The following PCDHA10 variants were observed in gnomAD, a reference collection of about 807,000 sequenced individuals.
PCDHA10 encodes the protein protocadherin alpha-10.
A neutral mutation model predicts 61.2 loss-of-function variants in PCDHA10; 45 were observed. That is an observed-to-expected ratio of 0.74 (90% CI 0.58 to 0.94). The LOEUF (loss-of-function observed/expected upper bound fraction) is 0.94, where lower values mean the gene tolerates loss of function less well. Among genes scored for constraint, PCDHA10 ranks in the 40% least tolerant of loss-of-function variants. The pLI is 0.00. For synonymous variants in PCDHA10, 602 were observed against 548.8 expected (o/e 1.10, Z -1.35); for missense variants, 1,278 against 1,236.2 (o/e 1.03, Z -0.51).
At chr5:140,985,377 A>G (rs782189204) in intron 3 of PCDHA10, among the ~76,000 whole-genome samples, 10 of 152,188 alleles carry the variant, frequency 6.6e-5, no homozygotes, top group Non-Finnish European at 5.9e-5. Context: ...CTGGGTCTAT[A>G]TAATCCAGTC....
chr5:140,930,859 G>GAT lies in PCDHA10; in HGVS notation c.2389-48089_2389-48088dup, dbSNP rs1554208143. On this transcript the variant is annotated intron_variant, in intron 1 of 3. Transcript: ENST00000307360. ...AATAAATATGTGCATATATGAATTG[G>GAT]ATGGTAACACTGTTCAACACAGAGG... Among the ~76,000 whole-genome samples, 803 of 152,288 alleles carry GAT rather than the reference G, an allele frequency of 5.3e-3. 3 individuals are homozygous for GAT. Among genetic ancestry groups the GAT allele is most frequent in the Non-Finnish European group, 8.4e-3 (568 of 68,020 alleles).
intron 1 of PCDHA10, among the ~76,000 whole-genome samples, chr5:140,909,254 G>A (rs915513119): frequency 6.6e-6 from 1 of 152,334 alleles, no homozygotes; most frequent in East Asian, 1.9e-4. Context: ...TGCTGGCCTT[G>A]CTGACTGAAG....
chr5:140,901,549 A>T (rs1554189886), intron 1 of PCDHA10, among the ~76,000 whole-genome samples: 1 of 152,052 alleles, frequency 6.6e-6, no homozygotes, highest in Non-Finnish European at 1.5e-5. Context: ...ATTCTGTTCC[A>T]TTCATCTATG....
At chr5:140,963,195 T>TG (rs1323958663) in intron 1 of PCDHA10, among the ~76,000 whole-genome samples, 4 of 150,680 alleles carry the variant, frequency 2.7e-5, no homozygotes, top group Non-Finnish European at 5.9e-5. Flanking sequence ...ACTGTGAAAA[T>TG]GAAAAAAAAA....
At chr5:140,877,894 G>C (rs1186724493) in intron 1 of PCDHA10, 21 of 1,447,492 alleles carry the variant, frequency 1.5e-5, no homozygotes, top group African/African-American at 2.9e-5. Flanking sequence ...CTTCCGTTTA[G>C]GTTATAACTA....
intron 1 of PCDHA10, chr5:140,882,640 G>C (rs1330929245): frequency 1.2e-6 from 2 of 1,614,068 alleles, no homozygotes; most frequent in Admixed American, 3.3e-5. Context: ...TGAAGGTGAG[G>C]GACATTAACG....
chr5:140,856,604 G>C lies in PCDHA10; in HGVS notation c.556G>C (p.Asp186His), dbSNP rs200468399. 1,451 of 1,597,840 alleles carry C rather than the reference G, an allele frequency of 9.1e-4. 118 individuals are homozygous for C. Among genetic ancestry groups the C allele is most frequent in the Non-Finnish European group, 8.3e-4 (967 of 1,167,426 alleles). ...YFVLDIINKK[D>H]KDKFPVLVLR... ...TGTTCTTGATATTATAAACAAAAAA[G>C]ACAAAGACAAATTCCCAGTGCTTGT... The change falls in exon 1 of 4, where the codon GAC (aspartate) becomes CAC (histidine). Residue 186 changes from aspartate (D) to histidine (H), a missense_variant. Physicochemically the swap from Asp to His is moderately conservative, Grantham distance 81. Coordinates refer to ENST00000307360, the MANE Select transcript of PCDHA10 (RefSeq NM_018901.4).
At chr5:140,956,565 A>G (rs190736286) in intron 1 of PCDHA10, among the ~76,000 whole-genome samples, 2 of 152,284 alleles carry the variant, frequency 1.3e-5, no homozygotes, top group Non-Finnish European at 2.9e-5. Flanking sequence ...TATCTTATTG[A>G]GGATTTTTGC....
At chr5:140,870,634 G>T in intron 1 of PCDHA10, 1 of 1,612,862 alleles carries the variant, frequency 6.2e-7, no homozygotes, top group Non-Finnish European at 8.5e-7. Context: ...GTCGGTGCAC[G>T]CGGAGAGCGG....
chr5:140,857,572 G>A lies in PCDHA10; in HGVS notation c.1524G>A (p.Ser508=), dbSNP rs144978636. ...AGCGCTCGCTGTCGAGCTACGTGTCGGTGCACGCGGAGAGCGGCAAGGTGT... is the reference window on the plus strand; with the variant it reads ...AGCGCTCGCTGTCGAGCTACGTGTCAGTGCACGCGGAGAGCGGCAAGGTGT... The part of the protein sequence containing the change: ...LGERSLSSYV[S]VHAESGKVYA... The change falls in exon 1 of 4, where the codon TCG becomes TCA. Residue 508 remains serine, a synonymous_variant. Transcript: ENST00000307360. 1.4e-3 allele frequency: 2,186 copies of A among 1,596,706 alleles called. 111 individuals are homozygous for A. In the African/African-American group the frequency reaches 0.025, roughly 18 times the overall value.
intron 1 of PCDHA10, among the ~76,000 whole-genome samples, chr5:140,961,312 A>G (rs2095603612): frequency 6.6e-6 from 1 of 152,156 alleles, no homozygotes; most frequent in Non-Finnish European, 1.5e-5. Context: ...ATGATTTACC[A>G]GGCTCTGTTT....
intron 1 of PCDHA10, chr5:140,969,054 A>G (rs782226153): frequency 6.2e-7 from 1 of 1,614,182 alleles, no homozygotes; most frequent in South Asian, 1.1e-5. Context: ...GCCAACAACA[A>G]TATTGATGCC....
At chr5:140,927,349 G>T in intron 1 of PCDHA10, 1 of 1,614,016 alleles carries the variant, frequency 6.2e-7, no homozygotes, top group Non-Finnish European at 8.5e-7. Flanking sequence ...AGATGACGAC[G>T]AGGGAAGCAA....
At position 140,858,257 on chromosome 5, in the gene PCDHA10, C is replaced by G; in HGVS notation, c.2209C>G (p.Leu737Val). Reference protein sequence around the residue: ...EGACGPVKPTLVCSSAVGSWS... With the variant: ...EGACGPVKPTVVCSSAVGSWS... ...CGCATGTGGGCCGGTGAAGCCCACGCTGGTGTGCTCTAGCGCGGTGGGGAG... is the reference window on the plus strand; with the variant it reads ...CGCATGTGGGCCGGTGAAGCCCACGGTGGTGTGCTCTAGCGCGGTGGGGAG... The change falls in exon 1 of 4, where the codon CTG becomes GTG. Residue 737 changes from leucine (L) to valine (V), a missense_variant. Transcript: ENST00000307360. 2 of 1,596,668 alleles carry G rather than the reference C, an allele frequency of 1.3e-6. 1 individual carries two copies. Among genetic ancestry groups the G allele is most frequent in the Non-Finnish European group, 1.7e-6 (2 of 1,166,542 alleles).
At chr5:140,898,543 A>G (rs1284006764) in intron 1 of PCDHA10, among the ~76,000 whole-genome samples, 2 of 152,224 alleles carry the variant, frequency 1.3e-5, no homozygotes, top group East Asian at 3.9e-4. Flanking sequence ...TGTTCCATTT[A>G]TCTATGTCTC....
At chr5:141,003,178 A>C (rs2098114996) in intron 3 of PCDHA10, among the ~76,000 whole-genome samples, 1 of 152,180 alleles carries the variant, frequency 6.6e-6, no homozygotes, top group East Asian at 1.9e-4. Context: ...CTGAGGCTCA[A>C]CTCCATCAAC....
intron 1 of PCDHA10, among the ~76,000 whole-genome samples, chr5:140,894,543 T>C (rs782418710): frequency 2.6e-5 from 4 of 152,088 alleles, no homozygotes; most frequent in Non-Finnish European, 4.4e-5. Flanking sequence ...TCTGGTTTAG[T>C]GTTTACTTCT....
chr5:140,961,054 T>C (rs1290831214), intron 1 of PCDHA10, among the ~76,000 whole-genome samples: 2 of 152,136 alleles, frequency 1.3e-5, no homozygotes, highest in African/African-American at 4.8e-5. Context: ...AACAAAATGT[T>C]GAATGGGATA....
At chr5:140,929,459 G>A in intron 1 of PCDHA10, 1 of 1,350,080 alleles carries the variant, frequency 7.4e-7, no homozygotes. Flanking sequence ...CACTTCCTGT[G>A]CCAAGAAATC....
Sources: allele counts gnomAD v4.1 joint callset (sites outside exome capture counted in the v4.1 genomes callset), GRCh38; gene constraint gnomAD v4.1.1; transcripts MANE v1.5; gene names NCBI Gene and HGNC (gene_info 2026-07-23, HGNC 2026-07-21).